The following SLC1A2 variants were observed in gnomAD, a reference collection of about 807,000 sequenced individuals.
SLC1A2 encodes solute carrier family 1 member 2.
SLC1A2 carries 15 observed loss-of-function variants against 48.8 expected under a neutral mutation model. That is an observed-to-expected ratio of 0.31 (90% CI 0.21 to 0.47). The LOEUF is 0.47. SLC1A2 is among the 20% of genes least tolerant of loss of function. The probability of loss-of-function intolerance (pLI) is 0.99; values close to 1 mark genes in which losing one functional copy is unlikely to be tolerated. For synonymous variants in SLC1A2, 279 were observed against 272.6 expected, an observed-to-expected ratio of 1.02 and a Z score of -0.23; for missense variants, 502 against 730.5, an observed-to-expected ratio of 0.69 and a Z score of 3.61.
chr11:35,403,534 G>A (rs1289099856), intron 1 of SLC1A2, among the ~76,000 whole-genome samples: 1 of 152,194 alleles, frequency 6.6e-6, no homozygotes, highest in Non-Finnish European at 1.5e-5. Context: ...GGGTCTGCAC[G>A]TAATTTGGGC....
At chr11:35,290,960 G>T (rs1039434299) in intron 7 of SLC1A2, among the ~76,000 whole-genome samples, 3 of 152,188 alleles carry the variant, frequency 2.0e-5, no homozygotes, top group South Asian at 2.1e-4. Flanking sequence ...CAGGTGGTTG[G>T]CATTATTGGT....
intron 1 of SLC1A2, among the ~76,000 whole-genome samples, chr11:35,341,871 A>G (rs1852852999): frequency 1.3e-5 from 2 of 152,260 alleles, no homozygotes; most frequent in African/African-American, 4.8e-5. Context: ...AATGTCATCA[A>G]TAGAGGAGTG....
intron 1 of SLC1A2, among the ~76,000 whole-genome samples, chr11:35,355,800 A>T (rs1590222175): frequency 6.6e-6 from 1 of 151,364 alleles, no homozygotes; most frequent in African/African-American, 2.4e-5. Flanking sequence ...CAGGAGAATC[A>T]CTTGAACCTG....
chr11:35,395,143 T>A (rs1854911945), intron 1 of SLC1A2, among the ~76,000 whole-genome samples: 1 of 151,770 alleles, frequency 6.6e-6, no homozygotes, highest in African/African-American at 2.4e-5. Flanking sequence ...TGGACAGGAG[T>A]GGGAGTTTGC....
intron 1 of SLC1A2, chr11:35,390,837 T>C (rs1370281405): frequency 2.6e-5 from 4 of 152,112 alleles, no homozygotes; most frequent in African/African-American, 9.7e-5. Flanking sequence ...AGCTAATTTT[T>C]GTATTTTTAG....
rs532289054 is a variant in SLC1A2 at position 35,254,627 on chromosome 11, T to C, written c.*6267A>G. 9.9e-5 allele frequency: 33 copies of C among 334,278 alleles called. No homozygotes were observed. The highest frequency in any genetic ancestry group is 6.0e-4 in the South Asian group (26 of 43,472). 20.7% of individuals were successfully genotyped at this position (334,278 alleles called of 1,614,324 possible). ...AGGCTCCGACTGCAACATCTCCATC[T>C]CCAGTGAGGATGATGACAAGGCTAA... On this transcript the variant is annotated 3_prime_UTR_variant, in exon 11 of 11. Transcript: ENST00000278379.
At chr11:35,389,432 T>TTTCTTC (rs1329421518) in intron 1 of SLC1A2, among the ~76,000 whole-genome samples, 5 of 136,700 alleles carry the variant, frequency 3.7e-5, no homozygotes, top group Non-Finnish European at 8.0e-5. Flanking sequence ...CTATTAGTAT[T>TTTCTTC]TTCTTCTTCT....
At position 35,334,661 on chromosome 11, in the gene SLC1A2, C is replaced by T. The variant is rs537139397; in HGVS notation, c.18-17145G>A. Among the ~76,000 whole-genome samples, 25 of 152,202 alleles carry T rather than the reference C, an allele frequency of 1.6e-4. No individual in the cohort carries two copies. In the East Asian group the frequency reaches 4.6e-3, roughly 28 times the overall value. On this transcript the variant is annotated intron_variant, in intron 1 of 10. Transcript: ENST00000278379. ...GCATGGCCCCTTATTATCAGTAGCCCCAAGATTAGAACTCTCTAGAGCAAT... is the reference window on the plus strand; with the variant it reads ...GCATGGCCCCTTATTATCAGTAGCCTCAAGATTAGAACTCTCTAGAGCAAT...
chr11:35,282,541 T>A (rs571577079), intron 8 of SLC1A2, among the ~76,000 whole-genome samples: 17 of 152,274 alleles, frequency 1.1e-4, no homozygotes, highest in African/African-American at 4.1e-4. Flanking sequence ...GAATTGTTTT[T>A]CTTATCAAGA....
chr11:35,332,813 G>A (rs1852474111), intron 1 of SLC1A2, among the ~76,000 whole-genome samples: 4 of 152,132 alleles, frequency 2.6e-5, no homozygotes, highest in African/African-American at 7.2e-5. Flanking sequence ...TGTATTTTAT[G>A]GGGAGAAAGG....
chr11:35,355,858 C>G (rs1485920016), intron 1 of SLC1A2, among the ~76,000 whole-genome samples: 1 of 148,758 alleles, frequency 6.7e-6, no homozygotes, highest in Non-Finnish European at 1.5e-5. Context: ...GCACTCCAAC[C>G]TAGGCAACAG....
intron 1 of SLC1A2, among the ~76,000 whole-genome samples, chr11:35,416,284 G>C (rs935178226): frequency 6.6e-6 from 1 of 152,188 alleles, no homozygotes; most frequent in Admixed American, 6.5e-5. Context: ...CCAGTAATCT[G>C]CACCAGCCAT....
At chr11:35,295,060 T>G (rs1433012286) in intron 6 of SLC1A2, among the ~76,000 whole-genome samples, 1 of 152,292 alleles carries the variant, frequency 6.6e-6, no homozygotes, top group East Asian at 1.9e-4. Flanking sequence ...TTTATTTTTA[T>G]ATTTTGAGAC....
At chr11:35,302,026 C>T (rs935931604) in intron 5 of SLC1A2, among the ~76,000 whole-genome samples, 4 of 152,166 alleles carry the variant, frequency 2.6e-5, no homozygotes, top group Admixed American at 2.0e-4. Context: ...GATTATCATA[C>T]AAACTTTGGA....
intron 1 of SLC1A2, among the ~76,000 whole-genome samples, chr11:35,412,792 A>G (rs928038717): frequency 6.6e-6 from 1 of 152,180 alleles, no homozygotes; most frequent in Non-Finnish European, 1.5e-5. Flanking sequence ...CAAAGCACAT[A>G]CCCAAGGCTC....
At chr11:35,280,594 A>G (rs954420434) in intron 9 of SLC1A2, 7 of 396,904 alleles carry the variant, frequency 1.8e-5, no homozygotes, top group African/African-American at 1.2e-4. Context: ...GATTCTTTGA[A>G]TGCATCAGTA....
At chr11:35,323,769 T>C (rs943152674) in intron 1 of SLC1A2, among the ~76,000 whole-genome samples, 3 of 152,218 alleles carry the variant, frequency 2.0e-5, no homozygotes, top group Non-Finnish European at 4.4e-5. Flanking sequence ...TTTCTTGATG[T>C]TTTTGTGTTC....
intron 9 of SLC1A2, among the ~76,000 whole-genome samples, chr11:35,279,189 C>T (rs368013580): frequency 2.8e-4 from 42 of 152,186 alleles, no homozygotes; most frequent in African/African-American, 8.7e-4. Flanking sequence ...CTGGCATTGC[C>T]GGAGGCCCTA....
chr11:35,397,695 A>G (rs923450668), intron 1 of SLC1A2, among the ~76,000 whole-genome samples: 1 of 152,132 alleles, frequency 6.6e-6, no homozygotes, highest in African/African-American at 2.4e-5. Flanking sequence ...TGGAGCCCTC[A>G]TGAATGGAAT....
Sources: gnomAD v4.1 joint callset for allele counts (sites outside exome capture counted in the v4.1 genomes callset) on GRCh38, gnomAD v4.1.1 for gene constraint, MANE v1.5 for transcripts, NCBI Gene and HGNC (gene_info 2026-07-23, HGNC 2026-07-21) for gene names.